The following SEL1L2 variants were observed in gnomAD, a reference collection of about 807,000 sequenced individuals.
SEL1L2 encodes the protein SEL1L2 adaptor subunit of SYVN1 ubiquitin ligase, also known as protein sel-1 homolog 2.
A neutral mutation model predicts 98.8 loss-of-function variants in SEL1L2; 89 were observed. That is an observed-to-expected ratio of 0.90 (90% confidence interval 0.76 to 1.07). The LOEUF (loss-of-function observed/expected upper bound fraction) is 1.07. Among genes scored for constraint, SEL1L2 ranks in the 50% least tolerant of loss-of-function variants. SEL1L2 has a pLI of 0.00. For missense variants in SEL1L2, 788 were observed against 812.0 expected, an observed-to-expected ratio of 0.97 and a Z score of 0.36; for synonymous variants, 262 against 278.5, an observed-to-expected ratio of 0.94 and a Z score of 0.59.
intron 1 of SEL1L2, among the ~76,000 whole-genome samples, chr20:13,961,469 A>G (rs948471955): frequency 6.6e-6 from 1 of 152,190 alleles, no homozygotes; most frequent in South Asian, 2.1e-4. Context: ...AGAATTGTCC[A>G]TGTGGTTTTT....
intron 1 of SEL1L2, among the ~76,000 whole-genome samples, chr20:13,976,678 TGGAGTTGA>T (rs1406548969): frequency 6.6e-6 from 1 of 152,150 alleles, no homozygotes; most frequent in East Asian, 1.9e-4. Context: ...AGGATAGATT[TGGAGTTGA>T]GGAATATTAT....
upstream of SEL1L2, among the ~76,000 whole-genome samples, chr20:13,993,017 T>A (rs181185700): frequency 4.8e-4 from 73 of 152,186 alleles, no homozygotes; most frequent in Admixed American, 1.6e-3. Flanking sequence ...CGTAAGTCAG[T>A]CCATAGTAAA....
chr20:13,865,131 A>C (rs11697072), intron 17 of SEL1L2, 36 bp downstream of exon 17: 3 of 1,527,650 alleles, frequency 2.0e-6, no homozygotes, highest in South Asian at 2.3e-5. Flanking sequence ...GAGGACAGGG[A>C]CCGGGTATGT....
At chr20:13,982,398 C>T (rs1418943226) in intron 1 of SEL1L2, among the ~76,000 whole-genome samples, 1 of 149,454 alleles carries the variant, frequency 6.7e-6, no homozygotes, top group Non-Finnish European at 1.5e-5. Flanking sequence ...GAGGTCCCAG[C>T]TAGTTGGAAG....
intron 14 of SEL1L2, among the ~76,000 whole-genome samples, chr20:13,868,552 C>T (rs1308053275): frequency 2.6e-5 from 4 of 152,036 alleles, no homozygotes; most frequent in African/African-American, 9.7e-5. Flanking sequence ...AGTCCAATGA[C>T]CTCACCCACA....
chr20:13,893,650 C>A (rs2047301594), intron 5 of SEL1L2, among the ~76,000 whole-genome samples: 1 of 152,110 alleles, frequency 6.6e-6, no homozygotes, highest in Non-Finnish European at 1.5e-5. Context: ...TGTATTTACA[C>A]AATAAGATCC....
upstream of SEL1L2, among the ~76,000 whole-genome samples, chr20:13,993,005 C>T (rs2052570925): frequency 6.6e-6 from 1 of 152,048 alleles, no homozygotes; most frequent in Non-Finnish European, 1.5e-5. Context: ...ATTTTGGGTG[C>T]ACGTAAGTCA....
chr20:13,920,558 T>TTC (rs571631015), intron 3 of SEL1L2, among the ~76,000 whole-genome samples: 1 of 146,138 alleles, frequency 6.8e-6, no homozygotes, highest in Non-Finnish European at 1.5e-5. Flanking sequence ...CACACTATTT[T>TTC]TCTCTCTCTC....
intron 1 of SEL1L2, among the ~76,000 whole-genome samples, chr20:13,982,472 C>G (rs553360962): frequency 1.0e-4 from 14 of 134,398 alleles, no homozygotes; most frequent in African/African-American, 3.7e-4. Flanking sequence ...GATCGTGCCA[C>G]TGCACTCCAG....
At chr20:13,881,265 G>T (rs1294264167) in intron 10 of SEL1L2, among the ~76,000 whole-genome samples, 1 of 152,192 alleles carries the variant, frequency 6.6e-6, no homozygotes, top group East Asian at 1.9e-4. Context: ...GCCCGCCTCA[G>T]CTTCCCAAAG....
At chr20:13,994,107 C>G (rs1412868153), upstream of SEL1L2, among the ~76,000 whole-genome samples, 1 of 151,864 alleles carries the variant, frequency 6.6e-6, no homozygotes, top group Non-Finnish European at 1.5e-5. Flanking sequence ...CCAGCCTGGC[C>G]AACACGGTGA....
chr20:13,962,046 C>T (rs1205645884), intron 1 of SEL1L2, among the ~76,000 whole-genome samples: 16 of 152,164 alleles, frequency 1.1e-4, no homozygotes, highest in Admixed American at 1.0e-3. Context: ...TTCATACAGA[C>T]CATGAGATGA....
At chr20:13,983,318 ATGAG>A (rs1194789680) in intron 1 of SEL1L2, among the ~76,000 whole-genome samples, 1 of 152,076 alleles carries the variant, frequency 6.6e-6, no homozygotes, top group Non-Finnish European at 1.5e-5. Context: ...TCAAAATACA[ATGAG>A]TATCAAGTGA....
intron 4 of SEL1L2, chr20:13,915,308 A>T: frequency 8.5e-7 from 1 of 1,172,760 alleles, no homozygotes; most frequent in East Asian, 5.8e-5. Flanking sequence ...GGAGTTCAGG[A>T]GATCAAGAAA....
intron 1 of SEL1L2, chr20:13,973,216 T>G (rs762997376): frequency 6.6e-6 from 1 of 152,244 alleles, no homozygotes; most frequent in Non-Finnish European, 1.5e-5. Flanking sequence ...ATATCTTTTT[T>G]CTTTCATTAA....
intron 4 of SEL1L2, among the ~76,000 whole-genome samples, chr20:13,917,839 C>T (rs990943669): frequency 1.2e-4 from 15 of 129,502 alleles, no homozygotes; most frequent in Non-Finnish European, 2.2e-4. Flanking sequence ...GCTTTGTCAC[C>T]CAGAGGCTAG....
At chr20:13,991,926 G>C (rs1366456217), upstream of SEL1L2, among the ~76,000 whole-genome samples, 2 of 152,068 alleles carry the variant, frequency 1.3e-5, no homozygotes, top group Admixed American at 1.3e-4. Context: ...CCTGGGGCCA[G>C]GGGCCTGAGG....
chr20:13,945,778 G>A (rs1486918074), intron 2 of SEL1L2, among the ~76,000 whole-genome samples: 1 of 151,998 alleles, frequency 6.6e-6, no homozygotes, highest in Non-Finnish European at 1.5e-5. Flanking sequence ...TGCAAGGATG[G>A]TTCAACACAT....
At chr20:13,963,326 T>C (rs1380877525) in intron 1 of SEL1L2, among the ~76,000 whole-genome samples, 1 of 148,226 alleles carries the variant, frequency 6.7e-6, no homozygotes, top group Non-Finnish European at 1.5e-5. Context: ...TCTCATTCTC[T>C]CTTATATTCT....
Sources: gnomAD v4.1 joint callset for allele counts (sites outside exome capture counted in the v4.1 genomes callset) on GRCh38, gnomAD v4.1.1 for gene constraint, MANE v1.5 for transcripts, NCBI Gene and HGNC (gene_info 2026-07-23, HGNC 2026-07-21) for gene names.